FBXO11: variants seen among roughly 807,000 people sequenced by gnomAD.
The protein encoded by FBXO11 is F-box protein 11, also known as F-box only protein 11.
A neutral mutation model predicts 117.0 loss-of-function variants in FBXO11; 13 were observed. That is an observed-to-expected ratio of 0.11 (90% CI 0.07 to 0.18). FBXO11 has a LOEUF of 0.18. FBXO11 is among the 10% of genes least tolerant of loss of function. FBXO11 has a pLI of 1.00. For synonymous variants in FBXO11, 490 were observed against 380.5 expected, an observed-to-expected ratio of 1.29 and a Z score of -3.35; for missense variants, 767 against 1,164.4, an observed-to-expected ratio of 0.66 and a Z score of 4.97.
intron 11 of FBXO11, among the ~76,000 whole-genome samples, chr2:47,825,781 C>T (rs566178930): frequency 1.3e-5 from 2 of 151,944 alleles, no homozygotes; most frequent in African/African-American, 2.4e-5. Context: ...TTCATCATGT[C>T]GCCCAGGCTG....
intron 16 of FBXO11, chr2:47,814,112 A>T (rs1268172356): frequency 7.7e-6 from 3 of 387,308 alleles, no homozygotes; most frequent in Non-Finnish European, 1.4e-5. Context: ...ATGGGGTTAT[A>T]TTAAGTGACA....
At chr2:47,903,752 T>A (rs1258959982) in intron 1 of FBXO11, among the ~76,000 whole-genome samples, 1 of 152,198 alleles carries the variant, frequency 6.6e-6, no homozygotes, top group Non-Finnish European at 1.5e-5. Flanking sequence ...AAGGCTAGAA[T>A]TTCAATCGAG....
rs543991037 is a variant in FBXO11 at position 47,854,020 on chromosome 2, A to G, written c.233-14251T>C. Among the ~76,000 whole-genome samples, 207 of 152,344 alleles carry G rather than the reference A, an allele frequency of 1.4e-3. 1 individual carries two copies. The highest frequency in any genetic ancestry group is 4.2e-3 in the Admixed American group (64 of 15,304). ...GATAAAAATGAATACTGTTCCCTTT[A>G]AAGTATCAGTAGTCATTAGGAGAGG... is the stretch of plus-strand genomic sequence containing the variant. On this transcript the variant is annotated intron_variant, in intron 1 of 22. Coordinates refer to ENST00000403359, the MANE Select transcript of FBXO11 (RefSeq NM_001190274.2).
chr2:47,876,095 G>T (rs919382598), intron 1 of FBXO11, among the ~76,000 whole-genome samples: 2 of 152,182 alleles, frequency 1.3e-5, no homozygotes, highest in East Asian at 3.8e-4. Context: ...CAGTTAGTAA[G>T]AAATAAGCTA....
intron 14 of FBXO11, 65 bp from the exon 15 acceptor site, chr2:47,819,143 C>A (rs1159996227): frequency 6.6e-7 from 1 of 1,519,496 alleles, no homozygotes; most frequent in Admixed American, 2.0e-5. Context: ...TAGTCTGTTA[C>A]CCCCTTTATA....
chr2:47,887,376 G>C (rs969369475), intron 1 of FBXO11, among the ~76,000 whole-genome samples: 1 of 150,908 alleles, frequency 6.6e-6, no homozygotes, highest in Non-Finnish European at 1.5e-5. Context: ...CAAAAGAACA[G>C]TTAAGAGCTA....
chr2:47,895,895 C>T (rs193279567), intron 1 of FBXO11, among the ~76,000 whole-genome samples: 2 of 152,074 alleles, frequency 1.3e-5, no homozygotes, highest in African/African-American at 2.4e-5. Flanking sequence ...CAGGGTTTCA[C>T]CATGTTGGCC....
chr2:47,807,254 G>GTTTGTT lies in FBXO11; in HGVS notation c.*858_*863dup, dbSNP rs1026338860. On this transcript the variant is annotated 3_prime_UTR_variant, in exon 23 of 23. Coordinates refer to ENST00000403359, the MANE Select transcript of FBXO11 (RefSeq NM_001190274.2). ...ATGAACAGAGTTCAAATACAGGACT[G>GTTTGTT]TTTGTTTTGAAGAGACTTTCTAAAG... is the stretch of plus-strand genomic sequence containing the variant. 4.4e-6 allele frequency: 1 copy of GTTTGTT among 228,006 alleles called. No individual in the cohort carries two copies. The highest frequency in any genetic ancestry group is 2.2e-5 in the African/African-American group (1 of 44,664). 14.1% of individuals were successfully genotyped at this position (228,006 alleles called of 1,614,324 possible).
intron 11 of FBXO11, among the ~76,000 whole-genome samples, chr2:47,823,944 G>A (rs1173274676): frequency 6.6e-6 from 1 of 151,684 alleles, no homozygotes; most frequent in Admixed American, 6.6e-5. Flanking sequence ...CAATCCTCCC[G>A]CCTCAGCCTT....
chr2:47,817,376 G>A (rs781613060), intron 16 of FBXO11, among the ~76,000 whole-genome samples: 1 of 152,176 alleles, frequency 6.6e-6, no homozygotes, highest in Non-Finnish European at 1.5e-5. Context: ...ATTAGCATAA[G>A]TCCATTTTTT....
At chr2:47,840,694 T>C (rs1377672378) in intron 1 of FBXO11, among the ~76,000 whole-genome samples, 4 of 151,194 alleles carry the variant, frequency 2.6e-5, no homozygotes, top group African/African-American at 9.7e-5. Flanking sequence ...GTTCTAGCAA[T>C]CCTCCCACCT....
In FBXO11 at chr2:47,900,734, GTATA is replaced by G. The variant is rs577061097; in HGVS notation, c.232+4751_232+4754del. 4.2e-5 allele frequency among the ~76,000 whole-genome samples: 4 copies of G among 95,796 alleles called. 1 individual carries two copies. The highest frequency in any genetic ancestry group is 1.7e-4 in the African/African-American group (4 of 23,712). The allele number at this position is 95,796 out of a possible 152,430, so 62.8% of individuals were successfully genotyped here. A position where few individuals can be genotyped will look rare whatever the true frequency, so the allele number is the denominator to read the frequency against. On this transcript the variant is annotated intron_variant, in intron 1 of 22. Coordinates refer to ENST00000403359, the MANE Select transcript of FBXO11 (RefSeq NM_001190274.2). The stretch of plus-strand genomic sequence containing the variant: ...TATATATACACGTATACACACACGT[GTATA>G]TATATACACGTATACACACACGTGT...
rs565300699 is a variant in FBXO11, at chr2:47,810,554, C to A, written c.2228-128G>T. On this transcript the variant is annotated intron_variant, in intron 18 of 22. Transcript: ENST00000403359. ...GGTAAAATTCACAGGACTATTTTTTCAGCCAAAACAAGTTTATTAGCAATT... is the reference window on the plus strand; with the variant it reads ...GGTAAAATTCACAGGACTATTTTTTAAGCCAAAACAAGTTTATTAGCAATT... 7.1e-6 allele frequency: 4 copies of A among 561,798 alleles called. No homozygotes were observed. The East Asian group carries it at 9.5e-5, about 13-fold the overall frequency. 34.8% of individuals were successfully genotyped at this position (561,798 alleles called of 1,614,324 possible). A position where few individuals can be genotyped will look rare whatever the true frequency, so the allele number is the denominator to read the frequency against.
chr2:47,833,714 C>A (rs988628563), intron 7 of FBXO11, among the ~76,000 whole-genome samples: 7 of 152,176 alleles, frequency 4.6e-5, no homozygotes, highest in Non-Finnish European at 8.8e-5. Flanking sequence ...TTTAAAAATT[C>A]TATTTCAGTT....
chr2:47,820,242 G>C (rs993922266), intron 14 of FBXO11, 120 bp downstream of exon 14: 2 of 554,374 alleles, frequency 3.6e-6, no homozygotes, highest in Non-Finnish European at 6.2e-6. Flanking sequence ...AACTATTAAA[G>C]ACAGTCACAA....
In FBXO11 at chr2:47,897,947, C is replaced by T. The variant is rs923139212; in HGVS notation, c.232+7542G>A. Among the ~76,000 whole-genome samples the T allele has an allele frequency of 7.2e-5, 11 of 152,124 alleles. 1 individual carries two copies. The highest frequency in any genetic ancestry group is 2.7e-4 in the African/African-American group (11 of 41,422). On this transcript the variant is annotated intron_variant, in intron 1 of 22. Transcript: ENST00000403359. The stretch of plus-strand genomic sequence containing the variant: ...TTCACACAAAAAAAAGGATGAATGA[C>T]ACCTCTTCTCTCATGAGATGTGAAA...
intron 1 of FBXO11, among the ~76,000 whole-genome samples, chr2:47,902,929 AAAAC>A (rs1678406779): frequency 1.3e-5 from 2 of 152,052 alleles, no homozygotes; most frequent in East Asian, 3.9e-4. Context: ...TAAAAAAAAA[AAAAC>A]AAAAACCACA....
intron 1 of FBXO11, among the ~76,000 whole-genome samples, chr2:47,848,132 A>G (rs1673562909): frequency 6.8e-6 from 1 of 146,528 alleles, no homozygotes; most frequent in Admixed American, 6.7e-5. Context: ...TCAAAAAAAC[A>G]AACAAACAAA....
chr2:47,857,266 A>T (rs1361941090), intron 1 of FBXO11, among the ~76,000 whole-genome samples: 1 of 152,202 alleles, frequency 6.6e-6, no homozygotes, highest in Non-Finnish European at 1.5e-5. Context: ...ATACACAGCC[A>T]TTAATGAGCA....
Sources: allele counts gnomAD v4.1 joint callset (sites outside exome capture counted in the v4.1 genomes callset), GRCh38; gene constraint gnomAD v4.1.1; transcripts MANE v1.5; gene names NCBI Gene and HGNC (gene_info 2026-07-23, HGNC 2026-07-21).